GAA: variants seen among roughly 807,000 people sequenced by gnomAD.
GAA encodes alpha glucosidase, also known as lysosomal alpha-glucosidase.
A neutral mutation model predicts 103.9 loss-of-function variants in GAA; 88 were observed. That is an observed-to-expected ratio of 0.85 (90% CI 0.71 to 1.01). The LOEUF (loss-of-function observed/expected upper bound fraction) is 1.01, where lower values mean the gene tolerates loss of function less well. Ranked by LOEUF, GAA falls within the 50% of genes least tolerant of loss-of-function variation. The pLI, the probability that GAA is intolerant of heterozygous loss-of-function variation, is 0.00. For missense variants in GAA, 1,350 were observed against 1,305.3 expected, an observed-to-expected ratio of 1.03 and a Z score of -0.53; for synonymous variants, 572 against 563.1, an observed-to-expected ratio of 1.02 and a Z score of -0.22.
chr17:80,118,378 G>T (rs1208284915), intron 18 of GAA, 21 bp downstream of exon 18: 2 of 1,559,034 alleles, frequency 1.3e-6, no homozygotes, highest in South Asian at 2.4e-5. Flanking sequence ...GGGCTGCTCA[G>T]GCTGGTGGGC....
At chr17:80,106,186 G>A (rs1200514535) in intron 3 of GAA, among the ~76,000 whole-genome samples, 1 of 152,198 alleles carries the variant, frequency 6.6e-6, no homozygotes, top group African/African-American at 2.4e-5. Context: ...TTAATCTTAA[G>A]AGAAGTTGCC....
At position 80,104,983 on chromosome 17, in the gene GAA, T is replaced by G; in HGVS notation, c.397T>G (p.Tyr133Asp). 1 of 1,612,844 alleles carries G rather than the reference T, an allele frequency of 6.2e-7. No individual in the cohort carries two copies. Among genetic ancestry groups the G allele is most frequent in the African/African-American group, 1.3e-5 (1 of 75,058 alleles). The change falls in exon 2 of 20, where the codon TAC becomes GAC. Residue 133 changes from tyrosine (Y) to aspartate (D), a missense_variant. Physicochemically the swap from Tyr to Asp is radical, Grantham distance 160. Coordinates refer to ENST00000302262, the MANE Select transcript of GAA (RefSeq NM_000152.5). The surrounding 1 kb of genome is among the most constrained non-coding windows in gnomAD (Gnocchi z 4.0). ...GQPWCFFPPS[Y>D]PSYKLENLSS... is the part of the protein sequence containing the mutation. ...GCCCTGGTGCTTCTTCCCACCCAGC[T>G]ACCCCAGCTACAAGCTGGAGAACCT...
intron 17 of GAA, 142 bp downstream of exon 17, chr17:80,117,891 C>T (rs901875795): frequency 5.5e-6 from 5 of 912,746 alleles, no homozygotes; most frequent in Non-Finnish European, 4.8e-6. Context: ...AGGAGCCAGC[C>T]AGGCCAGTGA....
Position 80,104,548 on chromosome 17 carries a change from C to T in GAA, c.-32-7C>T. 6.3e-7 allele frequency: 1 copy of T among 1,576,698 alleles called. No individual in the cohort carries two copies. ...CTCCCTGCTGAGCCCGCTTTCTTCT[C>T]CCGCAGGCCTGTAGGAGCTGTCCAG... On this transcript the variant is annotated splice_region_variant and splice_polypyrimidine_tract_variant and intron_variant, in intron 1 of 19. Coordinates refer to ENST00000302262, the MANE Select transcript of GAA (RefSeq NM_000152.5). This position sits in a 1 kb window ranked among gnomAD's most constrained non-coding sequence, Gnocchi z 4.0.
intron 9 of GAA, 99 bp downstream of exon 9, chr17:80,110,154 T>G (rs1043917838): frequency 3.2e-6 from 3 of 933,872 alleles, no homozygotes; most frequent in Non-Finnish European, 5.1e-6. Flanking sequence ...TGAGGAGCCA[T>G]CACGCCCAGT....
chr17:80,114,369 A>G (rs1281352583), intron 15 of GAA, among the ~76,000 whole-genome samples: 1 of 151,864 alleles, frequency 6.6e-6, no homozygotes, highest in African/African-American at 2.4e-5. Context: ...CAAGAAACGC[A>G]ATTTGTGTTT....
In GAA at chr17:80,114,656, A is replaced by G. The variant is rs74003630; in HGVS notation, c.2189+1290A>G. ...TTATCTTTTAAGTCAAATAGGAGGGAAAAATGGGTTACAAACAAAAAGTAC... is the reference window on the plus strand; with the variant it reads ...TTATCTTTTAAGTCAAATAGGAGGGGAAAATGGGTTACAAACAAAAAGTAC... On this transcript the variant is annotated intron_variant, in intron 15 of 19. Transcript: ENST00000302262. 0.058 allele frequency among the ~76,000 whole-genome samples: 8,846 copies of G among 152,206 alleles called. 509 individuals carry two copies. The highest frequency in any genetic ancestry group is 0.15 in the South Asian group (735 of 4,816).
At chr17:80,107,921 C>T (rs756646042) in intron 5 of GAA, 25 bp downstream of exon 5, 8 of 1,576,326 alleles carry the variant, frequency 5.1e-6, no homozygotes, top group South Asian at 4.6e-5. Context: ...GCCCAGCGCC[C>T]GGGCCGGGGT....
At chr17:80,105,443 G>T (rs988025054) in intron 2 of GAA, among the ~76,000 whole-genome samples, 2 of 152,208 alleles carry the variant, frequency 1.3e-5, no homozygotes, top group African/African-American at 4.8e-5. Flanking sequence ...GATACCCCAG[G>T]CATGACTTTG....
At chr17:80,116,472 A>G (rs2143915574) in intron 15 of GAA, among the ~76,000 whole-genome samples, 1 of 152,368 alleles carries the variant, frequency 6.6e-6, no homozygotes, top group Admixed American at 6.5e-5. Flanking sequence ...GCTGCGTCAC[A>G]GGGCAGGACA....
intron 5 of GAA, 71 bp downstream of exon 5, chr17:80,107,967 C>T (rs892953108): frequency 2.8e-5 from 39 of 1,411,098 alleles, no homozygotes; most frequent in Admixed American, 3.9e-5. Flanking sequence ...ACTGGAGGTC[C>T]GCATGAGGGG....
chr17:80,119,719 G>A lies in GAA; in HGVS notation c.*388G>A, dbSNP rs531156679. Reference sequence around the variant, plus strand: ...GGGTATGCACCTGAGCTCCTGCTTCGCGCCTGCTGCTCTGCCCCAACGCGA... The same window carrying A: ...GGGTATGCACCTGAGCTCCTGCTTCACGCCTGCTGCTCTGCCCCAACGCGA... On this transcript the variant is annotated 3_prime_UTR_variant, in exon 20 of 20. Coordinates refer to ENST00000302262, the MANE Select transcript of GAA (RefSeq NM_000152.5). 1.6e-5 allele frequency: 5 copies of A among 305,712 alleles called. No homozygotes were observed. Among genetic ancestry groups the A allele is most frequent in the East Asian group, 8.1e-5 (1 of 12,352 alleles). The allele number at this position is 305,712 out of a possible 1,614,324, so 18.9% of individuals were successfully genotyped here.
intron 11 of GAA, among the ~76,000 whole-genome samples, chr17:80,111,433 G>A (rs963734894): frequency 1.3e-5 from 2 of 152,210 alleles, no homozygotes; most frequent in African/African-American, 4.8e-5. Flanking sequence ...CCAAGAAGAA[G>A]CATGGGGGTC....
rs368438393 is a variant in GAA at position 80,112,920 on chromosome 17, G to T, written c.1933G>T (p.Asp645Tyr). ...NLLGVPLVGA[D>Y]VCGFLGNTSE... is the part of the protein sequence containing the mutation. The stretch of plus-strand genomic sequence containing the variant: ...GCTGGGGGTGCCTCTGGTCGGGGCC[G>T]ACGTCTGCGGCTTCCTGGGCAACAC... Residue 645 changes from aspartate (D) to tyrosine (Y), a missense_variant, in exon 14 of 20, where the codon GAC becomes TAC. Physicochemically the swap from Asp to Tyr is radical, Grantham distance 160 (BLOSUM62 -3). Transcript: ENST00000302262. 3 of 1,610,470 alleles carry T rather than the reference G, an allele frequency of 1.9e-6. No homozygotes were observed. Among genetic ancestry groups the T allele is most frequent in the Admixed American group, 3.4e-5 (2 of 59,698 alleles).
intron 3 of GAA, among the ~76,000 whole-genome samples, chr17:80,106,214 CT>C (rs2039083804): frequency 6.6e-6 from 1 of 152,158 alleles, no homozygotes; most frequent in Admixed American, 6.5e-5. Context: ...ATGCGTTTTT[CT>C]TTTTTTGCTC....
At chr17:80,112,370 TG>T (rs71163924) in intron 12 of GAA, 245 of 668,084 alleles carry the variant, frequency 3.7e-4, no homozygotes, top group East Asian at 1.8e-3. Flanking sequence ...CCTGTGAGGC[TG>T]GGGGGGGTCC....
At chr17:80,110,649 C>T (rs1274558638) in intron 9 of GAA, 78 bp from the exon 10 acceptor site, 2 of 1,284,580 alleles carry the variant, frequency 1.6e-6, no homozygotes, top group African/African-American at 1.5e-5. Context: ...CCCCTCTGCT[C>T]AGGCTGAGGC....
chr17:80,105,826 C>G lies in GAA; in HGVS notation c.624C>G (p.Leu208=), dbSNP rs2143834295. The G allele has an allele frequency of 6.2e-7, 1 of 1,610,358 alleles. No homozygotes were observed. Among genetic ancestry groups the G allele is most frequent in the East Asian group, 2.2e-5 (1 of 44,884 alleles). The change falls in exon 3 of 20, where the codon CTC becomes CTG. Residue 208 remains leucine (L), a synonymous_variant. Transcript: ENST00000302262. ...TCCACAGCCGGGCACCGTCCCCACT[C>G]TACAGCGTGGAGTTCTCCGAGGAGC... is the stretch of plus-strand genomic sequence containing the variant. ...PHVHSRAPSP[L]YSVEFSEEPF... is the part of the protein sequence containing the mutation.
chr17:80,118,756 T>C lies in GAA; in HGVS notation c.2750T>C (p.Leu917Pro). The change falls in exon 19 of 20, where the codon CTC becomes CCC. Residue 917 changes from leucine (L) to proline (P), a missense_variant. By Grantham distance (98) the Leu-to-Pro change is moderately conservative (BLOSUM62 -3). Coordinates refer to ENST00000302262, the MANE Select transcript of GAA (RefSeq NM_000152.5). ...GTGGCCACGGCGCCCCAGCAGGTCC[T>C]CTCCAACGGTGTCCCTGTCTCCAAC... ...LGVATAPQQV[L>P]SNGVPVSNFT... The C allele has an allele frequency of 6.2e-7, 1 of 1,613,474 alleles. No homozygotes were observed. The highest frequency in any genetic ancestry group is 1.1e-5 in the South Asian group (1 of 91,086).
Sources: allele counts gnomAD v4.1 joint callset (sites outside exome capture counted in the v4.1 genomes callset), GRCh38; gene constraint gnomAD v4.1.1; non-coding constraint Gnocchi (gnomAD v3.1); transcripts MANE v1.5; gene names NCBI Gene and HGNC (gene_info 2026-07-23, HGNC 2026-07-21).